TTC13: variants seen among roughly 807,000 people sequenced by gnomAD.
TTC13 encodes tetratricopeptide repeat domain 13, also known as tetratricopeptide repeat protein 13.
Under a neutral mutation model 120.0 loss-of-function variants are expected in TTC13, and 62 were observed. That is an observed-to-expected ratio of 0.52 (90% CI 0.42 to 0.64). The LOEUF (loss-of-function observed/expected upper bound fraction) is 0.64, where lower values mean the gene tolerates loss of function less well. Among genes scored for constraint, TTC13 ranks in the 30% least tolerant of loss-of-function variants. The pLI, the probability that TTC13 is intolerant of heterozygous loss-of-function variation, is 0.00. For synonymous variants in TTC13, 384 were observed against 393.5 expected (o/e 0.98, Z 0.28); for missense variants, 824 against 1,050.2 (o/e 0.78, Z 2.98).
chr1:230,959,385 C>CTT (rs200290858), intron 2 of TTC13, among the ~76,000 whole-genome samples: 92 of 147,366 alleles, frequency 6.2e-4, no homozygotes, highest in East Asian at 6.0e-4. Flanking sequence ...AAATCAAATT[C>CTT]TTTTTTTTTT....
At chr1:230,919,396 A>G (rs563065520) in intron 17 of TTC13, among the ~76,000 whole-genome samples, 17 of 152,226 alleles carry the variant, frequency 1.1e-4, no homozygotes, top group Non-Finnish European at 8.8e-5. Context: ...CCACTCCCCA[A>G]AGCCCTTTTT....
At chr1:230,972,160 T>C (rs60289399) in intron 1 of TTC13, among the ~76,000 whole-genome samples, 3,742 of 152,318 alleles carry the variant, frequency 0.025, 156 homozygotes, top group African/African-American at 0.084. Flanking sequence ...TGCCAGCACA[T>C]GTGCAGTGTA....
intron 4 of TTC13, among the ~76,000 whole-genome samples, chr1:230,945,766 G>A (rs1233576643): frequency 6.6e-6 from 1 of 152,174 alleles, no homozygotes; most frequent in Non-Finnish European, 1.5e-5. Flanking sequence ...AACTCTGGCA[G>A]CATCAGCAAT....
chr1:230,930,874 C>T (rs1380690393), intron 11 of TTC13, among the ~76,000 whole-genome samples: 1 of 152,132 alleles, frequency 6.6e-6, no homozygotes, highest in African/African-American at 2.4e-5. Flanking sequence ...GCTGAGATTG[C>T]ACCACTGTAC....
In TTC13 at chr1:230,959,471, G is replaced by A. The variant is rs924124121; in HGVS notation, c.367-1172C>T. Among the ~76,000 whole-genome samples the A allele has an allele frequency of 7.9e-5, 12 of 151,526 alleles. No individual in the cohort carries two copies. The East Asian group carries it at 1.2e-3, about 15-fold the overall frequency. ...ATCTCGGCTCACCACAACCTCCGCCGCCTGGGTTCAAGCGATTCTCCTGCC... is the reference window on the plus strand; with the variant it reads ...ATCTCGGCTCACCACAACCTCCGCCACCTGGGTTCAAGCGATTCTCCTGCC... On this transcript the variant is annotated intron_variant, in intron 2 of 22. Transcript: ENST00000366661.
Position 230,929,105 on chromosome 1 carries a change from A to C in TTC13, c.1301-12T>G. On this transcript the variant is annotated splice_polypyrimidine_tract_variant and intron_variant, in intron 11 of 22. Coordinates refer to ENST00000366661, the MANE Select transcript of TTC13 (RefSeq NM_024525.5). Reference sequence around the variant, plus strand: ...ATATCGAGAATACTCTGCAGAAAGGAAATGAGATCTGACACATCCAAATAC... The same window carrying C: ...ATATCGAGAATACTCTGCAGAAAGGCAATGAGATCTGACACATCCAAATAC... The C allele has an allele frequency of 6.2e-7, 1 of 1,612,650 alleles. No individual in the cohort carries two copies. The highest frequency in any genetic ancestry group is 8.5e-7 in the Non-Finnish European group (1 of 1,179,112).
At chr1:230,938,204 G>A (rs1674242977) in intron 8 of TTC13, among the ~76,000 whole-genome samples, 1 of 152,196 alleles carries the variant, frequency 6.6e-6, no homozygotes, top group African/African-American at 2.4e-5. Flanking sequence ...ACCTTCTGGG[G>A]CTCCTGTCAG....
At chr1:230,914,392 A>C (rs75906005) in intron 18 of TTC13, among the ~76,000 whole-genome samples, 2,544 of 103,840 alleles carry the variant, frequency 0.024, 25 homozygotes, top group Non-Finnish European at 0.029. Context: ...TTTCCTTATT[A>C]TTTTCTTTTT....
Position 230,978,768 on chromosome 1 carries a change from G to A in TTC13, c.63C>T (p.Gly21=), listed in dbSNP as rs1052969913. ...GCAGCAGCAGGACACGCCGGGCGGC[G>A]CCCGCGGCGGCCACAGCGCCGCCCC... ...CFWGGAVAAA[G]AARRVLLLLL... The change falls in exon 1 of 23, where the codon GGC becomes GGT. Residue 21 remains glycine (G), a synonymous_variant. Coordinates refer to ENST00000366661, the MANE Select transcript of TTC13 (RefSeq NM_024525.5). The surrounding 1 kb of genome is among the most constrained non-coding windows in gnomAD (Gnocchi z 5.6). 15 of 1,498,052 alleles carry A rather than the reference G, an allele frequency of 1.0e-5. No individual in the cohort carries two copies. The highest frequency in any genetic ancestry group is 1.2e-5 in the Non-Finnish European group (14 of 1,133,182). The allele number at this position is 1,498,052 out of a possible 1,614,324, so 92.8% of individuals were successfully genotyped here. A position where few individuals can be genotyped will look rare whatever the true frequency, so the allele number is the denominator to read the frequency against.
At chr1:230,954,486 T>TA in intron 3 of TTC13, 83 bp from the exon 4 acceptor site, 5 of 1,079,068 alleles carry the variant, frequency 4.6e-6, no homozygotes, top group South Asian at 1.5e-5. Flanking sequence ...TTGGTAAATC[T>TA]CCAAAGGCAG....
chr1:230,960,898 TA>T (rs1177736255), intron 2 of TTC13, among the ~76,000 whole-genome samples: 1 of 152,200 alleles, frequency 6.6e-6, no homozygotes, highest in Admixed American at 6.5e-5. Context: ...GATACCCACA[TA>T]TGCAAAGGTT....
intron 1 of TTC13, among the ~76,000 whole-genome samples, chr1:230,967,107 G>C (rs569757123): frequency 6.6e-5 from 10 of 151,952 alleles, no homozygotes; most frequent in Admixed American, 1.3e-4. Context: ...TAGTCAGCTG[G>C]TAACTGTATT....
intron 1 of TTC13, among the ~76,000 whole-genome samples, chr1:230,977,223 A>G (rs1378771925): frequency 6.6e-5 from 10 of 152,358 alleles, no homozygotes; most frequent in Middle Eastern, 6.8e-3. Flanking sequence ...TAAAGCACTT[A>G]TAACAGCACC....
At chr1:230,914,456 A>G (rs1222697220) in intron 18 of TTC13, among the ~76,000 whole-genome samples, 2 of 151,882 alleles carry the variant, frequency 1.3e-5, no homozygotes, top group East Asian at 1.9e-4. Flanking sequence ...GTGCAGTGGC[A>G]TGATCTCGGC....
At chr1:230,933,928 TAAAAG>T in intron 8 of TTC13, 67 bp from the exon 9 acceptor site, 1 of 1,024,154 alleles carries the variant, frequency 9.8e-7, no homozygotes, top group Non-Finnish European at 1.4e-6. Flanking sequence ...ACTTAAATCA[TAAAAG>T]GATTTAAATA....
At chr1:230,913,270 C>T (rs561580946) in intron 18 of TTC13, among the ~76,000 whole-genome samples, 3 of 152,134 alleles carry the variant, frequency 2.0e-5, no homozygotes, top group South Asian at 2.1e-4. Flanking sequence ...TTGTATAACG[C>T]CACTAGCAAA....
intron 1 of TTC13, among the ~76,000 whole-genome samples, chr1:230,964,893 A>C (rs1676982428): frequency 6.6e-6 from 1 of 152,220 alleles, no homozygotes; most frequent in Non-Finnish European, 1.5e-5. Context: ...CAGTCTTTTC[A>C]ATAAATGGTG....
At chr1:230,951,587 G>A (rs1378871224) in intron 4 of TTC13, among the ~76,000 whole-genome samples, 4 of 152,156 alleles carry the variant, frequency 2.6e-5, no homozygotes, top group African/African-American at 9.7e-5. Flanking sequence ...TAGCTCAGGT[G>A]CAACGTGAAG....
chr1:230,907,083 G>T, intron 22 of TTC13, 64 bp from the exon 23 acceptor site: 1 of 617,462 alleles, frequency 1.6e-6, no homozygotes, highest in Non-Finnish European at 2.7e-6. Context: ...AAAGGGCAGA[G>T]CTTATATTTA....
Sources: gnomAD v4.1 joint callset for allele counts (sites outside exome capture counted in the v4.1 genomes callset) on GRCh38, gnomAD v4.1.1 for gene constraint, Gnocchi (gnomAD v3.1) non-coding constraint, MANE v1.5 for transcripts, NCBI Gene and HGNC (gene_info 2026-07-23, HGNC 2026-07-21) for gene names.